Variants in TSNAX observed in about 807,000 individuals in gnomAD.
The protein encoded by TSNAX is translin associated factor X, also known as translin-associated protein X.
A neutral mutation model predicts 33.0 loss-of-function variants in TSNAX; 12 were observed. That is an observed-to-expected ratio of 0.36 (90% CI 0.23 to 0.59). The LOEUF (loss-of-function observed/expected upper bound fraction) is 0.59. Ranked by LOEUF, TSNAX falls within the 20% of genes least tolerant of loss-of-function variation. The pLI, the probability that TSNAX is intolerant of heterozygous loss-of-function variation, is 0.74. For missense variants in TSNAX, 267 were observed against 341.3 expected (o/e 0.78, Z 1.72); for synonymous variants, 110 against 117.2 (o/e 0.94, Z 0.40).
At chr1:231,547,196 A>G (rs1659970596) in intron 4 of TSNAX, among the ~76,000 whole-genome samples, 1 of 152,058 alleles carries the variant, frequency 6.6e-6, no homozygotes, top group Non-Finnish European at 1.5e-5. Context: ...AAGTGATTTT[A>G]TAACTGGTGA....
chr1:231,545,524 C>A, intron 4 of TSNAX, among the ~76,000 whole-genome samples: 1 of 151,284 alleles, frequency 6.6e-6, no homozygotes, highest in Non-Finnish European at 1.5e-5. Flanking sequence ...TGAAATAAGT[C>A]TTTAAAAAAA....
In TSNAX at chr1:231,564,942, C is replaced by T. The variant is rs1661334829; in HGVS notation, c.*37C>T. ...ACTCAGTTACTAATTCTTTTGAGAA[C>T]TCCTAAGAGACCAATTTGTAAGACT... On this transcript the variant is annotated 3_prime_UTR_variant, in exon 6 of 6. Transcript: ENST00000366639. The T allele has an allele frequency of 1.3e-6, 2 of 1,578,894 alleles. No individual in the cohort carries two copies. Among genetic ancestry groups the T allele is most frequent in the Non-Finnish European group, 1.7e-6 (2 of 1,163,502 alleles).
In TSNAX at chr1:231,542,616, G is replaced by A; in HGVS notation, c.367+5G>A. On this transcript the variant is annotated splice_donor_5th_base_variant and intron_variant, in intron 4 of 5. Transcript: ENST00000366639. Reference sequence around the variant, plus strand: ...TCCATCGAGCCATTACTACAGGTAAGTCTAGGTTTGTTTCAGGGTAATATA... The same window carrying A: ...TCCATCGAGCCATTACTACAGGTAAATCTAGGTTTGTTTCAGGGTAATATA... 3.1e-6 allele frequency: 5 copies of A among 1,612,506 alleles called. No homozygotes were observed. The highest frequency in any genetic ancestry group is 4.2e-6 in the Non-Finnish European group (5 of 1,179,298).
chr1:231,559,668 C>T (rs1572146200), intron 4 of TSNAX, among the ~76,000 whole-genome samples: 1 of 152,216 alleles, frequency 6.6e-6, no homozygotes, highest in East Asian at 1.9e-4. Flanking sequence ...AAGTATAGTA[C>T]TGTAGACATG....
intron 1 of TSNAX, 150 bp downstream of exon 1, chr1:231,528,976 C>G: frequency 9.1e-7 from 1 of 1,101,542 alleles, no homozygotes; most frequent in Non-Finnish European, 1.3e-6. Flanking sequence ...CCGGCCAGAT[C>G]GGCCCTGTTT....
rs1456371038 is a variant in TSNAX, at chr1:231,564,917, A to G, written c.*12A>G. On this transcript the variant is annotated 3_prime_UTR_variant, in exon 6 of 6. Transcript: ENST00000366639. Reference sequence around the variant, plus strand: ...AGGGCATTTCTTAGAATCTAACGTTACTCAGTTACTAATTCTTTTGAGAAC... The same window carrying G: ...AGGGCATTTCTTAGAATCTAACGTTGCTCAGTTACTAATTCTTTTGAGAAC... 1 of 1,606,314 alleles carries G rather than the reference A, an allele frequency of 6.2e-7. No individual in the cohort carries two copies. Among genetic ancestry groups the G allele is most frequent in the African/African-American group, 1.3e-5 (1 of 74,636 alleles).
chr1:231,560,126 C>T (rs150130559), intron 4 of TSNAX, among the ~76,000 whole-genome samples: 2 of 151,262 alleles, frequency 1.3e-5, no homozygotes, highest in Non-Finnish European at 1.5e-5. Context: ...ACTACAGGCG[C>T]CCGCCACCAC....
intron 4 of TSNAX, among the ~76,000 whole-genome samples, chr1:231,559,950 T>A (rs964633190): frequency 1.3e-5 from 2 of 151,196 alleles, no homozygotes; most frequent in African/African-American, 4.8e-5. Context: ...ATTAAAACTT[T>A]AAGAAAGATC....
Position 231,564,482 on chromosome 1 carries a change from TGTG to T in TSNAX, c.496-45_496-43del, listed in dbSNP as rs1421904640. On this transcript the variant is annotated intron_variant, in intron 5 of 5. Transcript: ENST00000366639. Reference sequence around the variant, plus strand: ...CACTCTTTTTCACAGTGTTCTTTCTTGTGTGTGTGTGTGTGTGTTTTTGTTTTG... The same window carrying T: ...CACTCTTTTTCACAGTGTTCTTTCTTTGTGTGTGTGTGTGTTTTTGTTTTG... 3.0e-6 allele frequency: 4 copies of T among 1,345,392 alleles called. No individual in the cohort carries two copies. In the African/African-American group the frequency reaches 4.5e-5, roughly 15 times the overall value. The allele number at this position is 1,345,392 out of a possible 1,614,324, so 83.3% of individuals were successfully genotyped here.
chr1:231,563,145 A>G (rs1335739247), intron 5 of TSNAX, among the ~76,000 whole-genome samples: 2 of 152,238 alleles, frequency 1.3e-5, no homozygotes, highest in Non-Finnish European at 2.9e-5. Flanking sequence ...GAATTATCTC[A>G]TTAGTTCCTC....
chr1:231,550,826 C>T (rs1241761124), intron 4 of TSNAX, among the ~76,000 whole-genome samples: 2 of 152,228 alleles, frequency 1.3e-5, no homozygotes, highest in South Asian at 4.1e-4. Context: ...TTGGCAGGAA[C>T]CCAGTTGCCT....
At position 231,537,319 on chromosome 1, in the gene TSNAX, G is replaced by A; in HGVS notation, c.228G>A (p.Arg76=). Residue 76 remains arginine (R), a synonymous_variant, in exon 3 of 6, where the codon AGG becomes AGA. Transcript: ENST00000366639. ...AAAGGACAATTTTTCTCCTCCATAG[G>A]ATTACAAGGTGAGTAAGCATCTTTA... ...ESKRTIFLLH[R]ITSAPDMEDI... is the part of the protein sequence containing the mutation. The A allele has an allele frequency of 6.3e-7, 1 of 1,599,824 alleles. No homozygotes were observed. Among genetic ancestry groups the A allele is most frequent in the Non-Finnish European group, 8.6e-7 (1 of 1,169,310 alleles).
At chr1:231,544,923 G>A (rs1281698646) in intron 4 of TSNAX, among the ~76,000 whole-genome samples, 1 of 144,448 alleles carries the variant, frequency 6.9e-6, no homozygotes, top group Non-Finnish European at 1.6e-5. Context: ...ATTATTATAA[G>A]CACAGTGGTC....
intron 5 of TSNAX, chr1:231,563,652 ATTTTTTT>A (rs11313472): frequency 1.1e-4 from 15 of 133,774 alleles, no homozygotes; most frequent in African/African-American, 1.4e-4. Flanking sequence ...GTGGATATAA[ATTTTTTT>A]TTTTTTTTTT....
At chr1:231,544,879 C>G (rs188911768) in intron 4 of TSNAX, among the ~76,000 whole-genome samples, 14 of 152,162 alleles carry the variant, frequency 9.2e-5, no homozygotes, top group African/African-American at 3.4e-4. Context: ...AATGATAGAT[C>G]TTCAGATTTT....
Position 231,565,092 on chromosome 1 carries a change from C to A in TSNAX, c.*187C>A. ...AATGAATCATTTCTTATATCTTATTCATGAAAGTTTGCATACAGATGTTTG... is the reference window on the plus strand; with the variant it reads ...AATGAATCATTTCTTATATCTTATTAATGAAAGTTTGCATACAGATGTTTG... On this transcript the variant is annotated 3_prime_UTR_variant, in exon 6 of 6. Coordinates refer to ENST00000366639, the MANE Select transcript of TSNAX (RefSeq NM_005999.3). The A allele has an allele frequency of 1.3e-6, 1 of 742,342 alleles. No individual in the cohort carries two copies. Among genetic ancestry groups the A allele is most frequent in the South Asian group, 2.2e-5 (1 of 45,894 alleles). 46.0% of individuals were successfully genotyped at this position (742,342 alleles called of 1,614,324 possible). A position where few individuals can be genotyped will look rare whatever the true frequency, so the allele number is the denominator to read the frequency against.
intron 4 of TSNAX, among the ~76,000 whole-genome samples, chr1:231,559,148 G>A (rs1048426511): frequency 4.6e-5 from 7 of 152,010 alleles, no homozygotes; most frequent in African/African-American, 1.2e-4. Flanking sequence ...ATCCTCTTAA[G>A]TTCTGAGTTT....
intron 3 of TSNAX, 106 bp from the exon 4 acceptor site, chr1:231,542,375 A>C: frequency 8.6e-7 from 1 of 1,163,010 alleles, no homozygotes; most frequent in Non-Finnish European, 1.2e-6. Context: ...AGTTAGAAGT[A>C]TATGAATGCA....
chr1:231,560,226 G>A (rs7512613), intron 4 of TSNAX, among the ~76,000 whole-genome samples: 1 of 151,626 alleles, frequency 6.6e-6, no homozygotes, highest in Non-Finnish European at 1.5e-5. Context: ...TGATCCACCC[G>A]CCTGGGCCTC....
Sources: gnomAD v4.1 joint callset for allele counts (sites outside exome capture counted in the v4.1 genomes callset) on GRCh38, gnomAD v4.1.1 for gene constraint, MANE v1.5 for transcripts, NCBI Gene and HGNC (gene_info 2026-07-23, HGNC 2026-07-21) for gene names.